RBFOX1: variants seen among roughly 807,000 people sequenced by gnomAD.
The protein encoded by RBFOX1 is RNA binding fox-1 homolog 1, also known as RNA binding protein fox-1 homolog 1.
Under a neutral mutation model 57.7 loss-of-function variants are expected in RBFOX1, and 8 were observed. The ratio of observed to expected loss-of-function variants is 0.14; its 90% confidence interval spans 0.08 to 0.25. The LOEUF (loss-of-function observed/expected upper bound fraction) is 0.25. RBFOX1 is among the 10% of genes least tolerant of loss of function. RBFOX1 has a pLI of 1.00. For missense variants in RBFOX1, 611 were observed against 548.5 expected, an observed-to-expected ratio of 1.11 and a Z score of -1.14; for synonymous variants, 326 against 222.4, an observed-to-expected ratio of 1.47 and a Z score of -4.15.
At chr16:6,530,957 A>T (rs2096649583) in intron 2 of RBFOX1, among the ~76,000 whole-genome samples, 1 of 152,174 alleles carries the variant, frequency 6.6e-6, no homozygotes, top group Admixed American at 6.5e-5. Context: ...CGGCTCCAGA[A>T]AAACCCCAAT....
intron 3 of RBFOX1, among the ~76,000 whole-genome samples, chr16:6,745,896 A>C (rs1472275569): frequency 6.6e-6 from 1 of 152,094 alleles, no homozygotes; most frequent in Non-Finnish European, 1.5e-5. Flanking sequence ...TCTCTAAAAC[A>C]GAAAGTCACT....
chr16:7,418,177 T>C (rs949372425), intron 4 of RBFOX1, among the ~76,000 whole-genome samples: 1 of 152,210 alleles, frequency 6.6e-6, no homozygotes, highest in African/African-American at 2.4e-5. Flanking sequence ...CTAGTTTCCA[T>C]TGCTGGTCCA....
chr16:6,399,750 A>G (rs936786980), intron 2 of RBFOX1, among the ~76,000 whole-genome samples: 1 of 152,254 alleles, frequency 6.6e-6, no homozygotes, highest in Non-Finnish European at 1.5e-5. Flanking sequence ...ATGAAGAAAT[A>G]CCTGAGACTC....
chr16:6,301,021 A>C (rs1266684059), intron 1 of RBFOX1, among the ~76,000 whole-genome samples: 1 of 152,212 alleles, frequency 6.6e-6, no homozygotes, highest in East Asian at 1.9e-4. Context: ...TAAAATGAAC[A>C]CAAGTAACTT....
intron 3 of RBFOX1, among the ~76,000 whole-genome samples, chr16:5,617,775 G>A (rs1197521282): frequency 6.6e-6 from 1 of 152,168 alleles, no homozygotes; most frequent in African/African-American, 2.4e-5. Context: ...TTTGCTCTTT[G>A]ATTTGTTGCA....
rs1016825762 is a variant in RBFOX1 at position 6,581,652 on chromosome 16, C to G, written c.-63-72951C>G. 3.3e-5 allele frequency among the ~76,000 whole-genome samples: 5 copies of G among 152,168 alleles called. 1 individual carries two copies. Among genetic ancestry groups the G allele is most frequent in the African/African-American group, 1.2e-4 (5 of 41,432 alleles). On this transcript the variant is annotated intron_variant, in intron 2 of 15. Transcript: ENST00000550418. ...CATGAGCTTCTCAGAAACAGGTGAT[C>G]TATTGATCCCCAAGCTGCTAAGGGG...
At chr16:6,736,681 G>C (rs2070406442) in intron 3 of RBFOX1, among the ~76,000 whole-genome samples, 1 of 152,170 alleles carries the variant, frequency 6.6e-6, no homozygotes, top group Non-Finnish European at 1.5e-5. Flanking sequence ...ACCCAGTAGT[G>C]GGATTGCTGG....
chr16:7,162,744 A>T (rs1004572957), intron 4 of RBFOX1, among the ~76,000 whole-genome samples: 2 of 152,030 alleles, frequency 1.3e-5, no homozygotes, highest in African/African-American at 4.8e-5. Flanking sequence ...AAAATAATCC[A>T]GATTTCATGA....
In RBFOX1 at chr16:5,448,034, A is replaced by AT. The variant is rs552845811; in HGVS notation, c.220-19181dup. ...TAATTGAATCTGGGGGTGGAGTCAC[A>AT]TGGGGGAACAGGCTATCATGGGAAG... On this transcript the variant is annotated intron_variant, in intron 1 of 2. Coordinates refer to the RBFOX1 transcript ENST00000585867. Among the ~76,000 whole-genome samples the AT allele has an allele frequency of 2.2e-3, 333 of 152,232 alleles. 4 individuals carry two copies. Among genetic ancestry groups the AT allele is most frequent in the African/African-American group, 7.7e-3 (318 of 41,542 alleles).
chr16:7,710,249 C>G, intron 15 of RBFOX1: 1 of 1,073,658 alleles, frequency 9.3e-7, no homozygotes, highest in South Asian at 3.2e-5. Context: ...ACACCTAGTC[C>G]ACATGAGGAA....
intron 4 of RBFOX1, among the ~76,000 whole-genome samples, chr16:7,463,266 G>A (rs1192637422): frequency 6.6e-6 from 1 of 152,160 alleles, no homozygotes; most frequent in Non-Finnish European, 1.5e-5. Flanking sequence ...CACTTTGGGA[G>A]GCCATGGTGT....
chr16:6,946,296 G>A (rs1318195979), intron 3 of RBFOX1, among the ~76,000 whole-genome samples: 4 of 152,208 alleles, frequency 2.6e-5, no homozygotes, highest in African/African-American at 9.7e-5. Flanking sequence ...TATGGGTGTG[G>A]CTGTGTTCCA....
At chr16:6,000,237 C>G (rs1388760868) in intron 4 of RBFOX1, among the ~76,000 whole-genome samples, 1 of 152,146 alleles carries the variant, frequency 6.6e-6, no homozygotes, top group African/African-American at 2.4e-5. Flanking sequence ...GCGATGCTTC[C>G]TCTGAAGCTG....
intron 4 of RBFOX1, among the ~76,000 whole-genome samples, chr16:7,167,145 G>C (rs7201909): frequency 0.92 from 139,834 of 151,432 alleles, 64,605 homozygotes; most frequent in East Asian, 1. Flanking sequence ...GTCATCATAC[G>C]TGGCTAATTT....
intron 3 of RBFOX1, among the ~76,000 whole-genome samples, chr16:7,045,897 A>T (rs868853327): frequency 1.9e-4 from 29 of 152,240 alleles, no homozygotes; most frequent in African/African-American, 5.3e-4. Flanking sequence ...ACCTCAGATG[A>T]TCTGCCCACC....
At chr16:6,881,916 T>A (rs2063016512) in intron 3 of RBFOX1, among the ~76,000 whole-genome samples, 1 of 152,184 alleles carries the variant, frequency 6.6e-6, no homozygotes, top group African/African-American at 2.4e-5. Context: ...AGGATTTAGA[T>A]GTAGGCTCCT....
intron 14 of RBFOX1, among the ~76,000 whole-genome samples, chr16:7,698,392 GCAAATGAACAAT>G (rs2079511370): frequency 6.6e-6 from 1 of 152,000 alleles, no homozygotes; most frequent in South Asian, 2.1e-4. Context: ...AAAGCCTTGA[GCAAATGAACAAT>G]CTGCAAAAGC....
Position 5,574,376 on chromosome 16 carries a change from T to A in RBFOX1, c.259-24526T>A, listed in dbSNP as rs1326862931. ...TCATCCAAGCCCGCCTTGCCACATCTCAATAACTGCTTTTGTTTTATAAAT... is the reference window on the plus strand; with the variant it reads ...TCATCCAAGCCCGCCTTGCCACATCACAATAACTGCTTTTGTTTTATAAAT... On this transcript the variant is annotated intron_variant, in intron 2 of 2. Transcript: ENST00000585867. Among the ~76,000 whole-genome samples the A allele has an allele frequency of 2.0e-5, 3 of 152,076 alleles. No homozygotes were observed. The East Asian group carries it at 5.8e-4, about 29-fold the overall frequency.
At chr16:6,215,091 GAGGAGA>G (rs1156512627) in intron 1 of RBFOX1, among the ~76,000 whole-genome samples, 21 of 134,326 alleles carry the variant, frequency 1.6e-4, no homozygotes, top group Non-Finnish European at 2.6e-4. Context: ...GAGAGAAGGA[GAGGAGA>G]AGGAGAGGGA....
Sources: allele counts gnomAD v4.1 joint callset (sites outside exome capture counted in the v4.1 genomes callset), GRCh38; gene constraint gnomAD v4.1.1; transcripts MANE v1.5; gene names NCBI Gene and HGNC (gene_info 2026-07-23, HGNC 2026-07-21).